Variants in KIAA1671 observed in about 807,000 individuals in gnomAD.
The protein encoded by KIAA1671 is uncharacterized protein KIAA1671.
KIAA1671 carries 52 observed loss-of-function variants against 131.2 expected under a neutral mutation model. The ratio of observed to expected loss-of-function variants is 0.40; its 90% CI spans 0.32 to 0.50. KIAA1671 has a LOEUF of 0.50. KIAA1671 is among the 20% of genes least tolerant of loss of function. The probability of loss-of-function intolerance (pLI) is 0.73; values close to 1 mark genes in which losing one functional copy is unlikely to be tolerated. For synonymous variants in KIAA1671, 1,003 were observed against 961.6 expected, an observed-to-expected ratio of 1.04 and a Z score of -0.80; for missense variants, 2,360 against 2,364.2, an observed-to-expected ratio of 1.00 and a Z score of 0.04.
chr22:25,104,963 T>G lies in KIAA1671; in HGVS notation c.4530+55599T>G, dbSNP rs189911285. 5.9e-5 allele frequency among the ~76,000 whole-genome samples: 9 copies of G among 152,228 alleles called. No individual in the cohort carries two copies. The East Asian group carries it at 1.7e-3, about 29-fold the overall frequency. On this transcript the variant is annotated intron_variant, in intron 6 of 12. Transcript: ENST00000358431. ...GCAGAAAGTAACTGTCCAGGGAATG[T>G]TTGTTGAATGAATGAATGACCGACA...
intron 6 of KIAA1671, among the ~76,000 whole-genome samples, chr22:25,141,888 G>A (rs751518073): frequency 4.6e-5 from 7 of 152,160 alleles, no homozygotes; most frequent in Non-Finnish European, 1.0e-4. Flanking sequence ...ACCCTGGCTC[G>A]GTGATGTGTT....
rs1315455379 is a variant in KIAA1671, at chr22:25,040,435, C to T, written c.3305C>T (p.Thr1102Ile). Reference protein sequence around the residue: ...REHENASILKTLKPTDRPSSL... With the variant: ...REHENASILKILKPTDRPSSL... The stretch of plus-strand genomic sequence containing the variant: ...CATGAAAATGCAAGCATTTTAAAAA[C>T]TCTGAAGCCAACAGACCGTCCATCA... The change falls in exon 5 of 13, where the codon ACT (threonine) becomes ATT (isoleucine). Residue 1102 changes from threonine (T) to isoleucine (I), a missense_variant. Thr to Ile is a moderately conservative substitution (Grantham distance 89). Around this residue, in one of 3 missense-constraint regions of KIAA1671, gnomAD observed 1,161 missense variants for 1,204.7 expected, o/e 0.96. Transcript: ENST00000358431. 1.3e-6 allele frequency: 2 copies of T among 1,551,924 alleles called. No homozygotes were observed. Among genetic ancestry groups the T allele is most frequent in the East Asian group, 2.4e-5 (1 of 40,940 alleles).
chr22:25,168,788 G>C (rs1450849611), intron 6 of KIAA1671, among the ~76,000 whole-genome samples: 1 of 152,132 alleles, frequency 6.6e-6, no homozygotes, highest in African/African-American at 2.4e-5. Context: ...ATACAAACAA[G>C]GCTGCAGAGG....
chr22:25,033,018 T>C (rs1277326199), intron 4 of KIAA1671, among the ~76,000 whole-genome samples: 1 of 152,186 alleles, frequency 6.6e-6, no homozygotes, highest in Admixed American at 6.5e-5. Flanking sequence ...AAGATGTTAA[T>C]AGAAACTCCT....
intron 1 of KIAA1671, among the ~76,000 whole-genome samples, chr22:24,996,587 T>G (rs1924152169): frequency 6.6e-6 from 1 of 151,934 alleles, no homozygotes; most frequent in Admixed American, 6.6e-5. Context: ...GACTCATGCA[T>G]CCCCGAGAGA....
rs1054558166 is a variant in KIAA1671 at position 25,186,658 on chromosome 22, T to G, written c.5342+1539T>G. Among the ~76,000 whole-genome samples the G allele has an allele frequency of 3.9e-5, 6 of 152,184 alleles. No individual in the cohort carries two copies. The East Asian group carries it at 1.2e-3, about 29-fold the overall frequency. On this transcript the variant is annotated intron_variant, in intron 11 of 12. Transcript: ENST00000358431. ...ACTTGAACTGAATCATGGTGGACAA[T>G]TGGGTCTTAGCTGGACCACGGGCAG...
intron 1 of KIAA1671, among the ~76,000 whole-genome samples, chr22:25,005,039 G>T (rs1022111059): frequency 1.3e-5 from 2 of 150,622 alleles, no homozygotes; most frequent in African/African-American, 4.9e-5. Flanking sequence ...CTTGTAGGTG[G>T]CAAAGGTTAT....
chr22:24,956,604 C>A (rs887811980), intron 1 of KIAA1671, among the ~76,000 whole-genome samples: 1 of 151,654 alleles, frequency 6.6e-6, no homozygotes, highest in African/African-American at 2.4e-5. Context: ...TGGTGGCTCA[C>A]GCCTGTAATC....
chr22:25,144,751 C>A (rs1456850730), intron 6 of KIAA1671, among the ~76,000 whole-genome samples: 1 of 152,206 alleles, frequency 6.6e-6, no homozygotes, highest in African/African-American at 2.4e-5. Flanking sequence ...GCCCCACTCC[C>A]AGGCATAGAA....
Position 25,039,945 on chromosome 22 carries a change from G to T in KIAA1671, c.2815G>T (p.Ala939Ser), listed in dbSNP as rs1926820622. Residue 939 changes from alanine to serine, a missense_variant, in exon 5 of 13, where the codon GCC (alanine) becomes TCC (serine). Around this residue, in one of 3 missense-constraint regions of KIAA1671, gnomAD observed 1,161 missense variants for 1,204.7 expected, o/e 0.96. Transcript: ENST00000358431. The part of the protein sequence containing the change: ...QPAVRMRKAG[A>S]MDQRMDRWRR... ...TGCAGTCAGAATGCGGAAAGCCGGC[G>T]CCATGGACCAGAGAATGGACAGATG... The T allele has an allele frequency of 4.5e-6, 7 of 1,551,414 alleles. No individual in the cohort carries two copies. In the South Asian group the frequency reaches 7.1e-5, roughly 16 times the overall value.
At chr22:25,123,129 T>G (rs1426189606) in intron 6 of KIAA1671, among the ~76,000 whole-genome samples, 1 of 151,970 alleles carries the variant, frequency 6.6e-6, no homozygotes, top group Admixed American at 6.6e-5. Context: ...AGTCCCCTTC[T>G]ATGCTGTACT....
intron 6 of KIAA1671, among the ~76,000 whole-genome samples, chr22:25,108,947 A>G (rs1931180228): frequency 6.6e-6 from 1 of 152,142 alleles, no homozygotes; most frequent in Non-Finnish European, 1.5e-5. Context: ...AACTGGTGCT[A>G]GCTGTTTGCT....
In KIAA1671 at chr22:25,041,398, C is replaced by CCAT; in HGVS notation, c.4272_4274dup (p.Ile1424dup). The CCAT allele has an allele frequency of 6.4e-7, 1 of 1,551,776 alleles. No individual in the cohort carries two copies. The highest frequency in any genetic ancestry group is 1.2e-5 in the South Asian group (1 of 84,056). On this transcript the variant is annotated inframe_insertion, in exon 5 of 13. Transcript: ENST00000358431. ...CCTGCCAACATCCGAGAGGGCCTGT[C>CCAT]CATCATGCATGAAGCCAGAGAGAGG...
intron 6 of KIAA1671, among the ~76,000 whole-genome samples, chr22:25,166,040 A>C (rs988097888): frequency 2.0e-5 from 3 of 152,256 alleles, no homozygotes; most frequent in Non-Finnish European, 2.9e-5. Context: ...GGCTTTGAGC[A>C]GGGACCTATT....
intron 1 of KIAA1671, 56 bp from the exon 2 acceptor site, chr22:25,025,577 C>T (rs1388915043): frequency 2.0e-5 from 3 of 152,208 alleles, no homozygotes; most frequent in Non-Finnish European, 4.4e-5. Flanking sequence ...TTTGTGCCGT[C>T]TGTTCCCATA....
intron 6 of KIAA1671, among the ~76,000 whole-genome samples, chr22:25,089,930 G>C (rs530836077): frequency 6.6e-6 from 1 of 152,306 alleles, no homozygotes; most frequent in Admixed American, 6.5e-5. Flanking sequence ...GACTGGCAGG[G>C]GTGATGGAGC....
chr22:25,026,684 C>T (rs1171594978), intron 2 of KIAA1671, among the ~76,000 whole-genome samples: 2 of 151,796 alleles, frequency 1.3e-5, no homozygotes, highest in South Asian at 2.1e-4. Context: ...GAGCCAAGGT[C>T]GCGCCATTGC....
intron 6 of KIAA1671, among the ~76,000 whole-genome samples, chr22:25,120,796 A>ATG (rs1453612786): frequency 1.3e-5 from 2 of 152,082 alleles, no homozygotes; most frequent in African/African-American, 4.8e-5. Flanking sequence ...GTATGTCTTT[A>ATG]TGACACTTTT....
At chr22:25,157,192 G>C (rs1404078110) in intron 6 of KIAA1671, among the ~76,000 whole-genome samples, 1 of 152,084 alleles carries the variant, frequency 6.6e-6, no homozygotes, top group Admixed American at 6.5e-5. Context: ...TATATCACTA[G>C]CCACAAATGT....
Sources: allele counts gnomAD v4.1 joint callset (sites outside exome capture counted in the v4.1 genomes callset), GRCh38; gene constraint gnomAD v4.1.1; regional missense constraint gnomAD v4.1.1; transcripts MANE v1.5; gene names NCBI Gene and HGNC (gene_info 2026-07-23, HGNC 2026-07-21).